The following PCDHGA1 variants were observed in gnomAD, a reference collection of about 807,000 sequenced individuals.
The protein encoded by PCDHGA1 is protocadherin gamma subfamily A, 1.
PCDHGA1 carries 32 observed loss-of-function variants against 58.0 expected under a neutral mutation model. The observed-to-expected ratio is 0.55, with a 90% CI of 0.42 to 0.74. The LOEUF (loss-of-function observed/expected upper bound fraction) is 0.74, where lower values mean the gene tolerates loss of function less well. Among genes scored for constraint, PCDHGA1 ranks in the 30% least tolerant of loss-of-function variants. The probability of loss-of-function intolerance (pLI) is 0.00; values close to 1 mark genes in which losing one functional copy is unlikely to be tolerated. For missense variants in PCDHGA1, 1,205 were observed against 1,182.3 expected, an observed-to-expected ratio of 1.02 and a Z score of -0.28; for synonymous variants, 498 against 501.1, an observed-to-expected ratio of 0.99 and a Z score of 0.08.
At chr5:141,358,058 T>C (rs1166026389) in intron 1 of PCDHGA1, among the ~76,000 whole-genome samples, 9 of 152,056 alleles carry the variant, frequency 5.9e-5, no homozygotes, top group Non-Finnish European at 1.0e-4. Flanking sequence ...GGCGTGGTGG[T>C]GTGTGCCCGT....
chr5:141,477,697 T>G lies in PCDHGA1; in HGVS notation c.2422-17110T>G, dbSNP rs745625196. ...TGTCATCCTTAGTGCCCCTAGACTA[T>G]GAGGATCGGCGGGAATTTGAATTAA... On this transcript the variant is annotated intron_variant, in intron 1 of 3. Coordinates refer to ENST00000517417, the MANE Select transcript of PCDHGA1 (RefSeq NM_018912.3). The surrounding 1 kb of genome is among the most constrained non-coding windows in gnomAD (Gnocchi z 4.9). 6.2e-7 allele frequency: 1 copy of G among 1,614,160 alleles called. No homozygotes were observed. Among genetic ancestry groups the G allele is most frequent in the South Asian group, 1.1e-5 (1 of 91,090 alleles).
intron 1 of PCDHGA1, chr5:141,423,749 TTGGGGGGGGGG>T: frequency 3.7e-6 from 1 of 272,202 alleles, no homozygotes; most frequent in Non-Finnish European, 4.7e-6. Context: ...TGAAAACTGT[TTGGGGGGGGGG>T]TGGGGCGGCA....
At chr5:141,473,439 A>G (rs2099322281) in intron 1 of PCDHGA1, among the ~76,000 whole-genome samples, 1 of 152,210 alleles carries the variant, frequency 6.6e-6, no homozygotes, top group African/African-American at 2.4e-5. Flanking sequence ...TTGCTTATGC[A>G]AAAATAATTA....
At chr5:141,434,784 A>T (rs967716221) in intron 1 of PCDHGA1, among the ~76,000 whole-genome samples, 11 of 150,278 alleles carry the variant, frequency 7.3e-5, no homozygotes, top group East Asian at 5.8e-4. Flanking sequence ...AAAAAAAAAA[A>T]TTTTTTTTTC....
chr5:141,408,295 G>A (rs1185231517), intron 1 of PCDHGA1: 8 of 1,613,700 alleles, frequency 5.0e-6, no homozygotes, highest in East Asian at 2.2e-5. Flanking sequence ...CCCTGAGTGA[G>A]CCGATCCGCT....
intron 1 of PCDHGA1, among the ~76,000 whole-genome samples, chr5:141,435,011 A>G (rs2097737147): frequency 6.6e-6 from 1 of 152,126 alleles, no homozygotes; most frequent in African/African-American, 2.4e-5. Flanking sequence ...TTTATCAATG[A>G]TAATGCTCTT....
intron 1 of PCDHGA1, chr5:141,392,939 C>T (rs1425022179): frequency 1.2e-6 from 2 of 1,613,830 alleles, no homozygotes; most frequent in Non-Finnish European, 1.7e-6. Context: ...CGGACAAAGG[C>T]TCCTTCGTGG....
At chr5:141,393,583 C>A in intron 1 of PCDHGA1, 1 of 1,613,930 alleles carries the variant, frequency 6.2e-7, no homozygotes, top group Non-Finnish European at 8.5e-7. Context: ...AACATGCCCC[C>A]AGGCACGCGG....
chr5:141,388,913 A>C, intron 1 of PCDHGA1: 1 of 1,614,040 alleles, frequency 6.2e-7, no homozygotes, highest in Non-Finnish European at 8.5e-7. Flanking sequence ...ACAACGCCCC[A>C]GAAGTGATAT....
At position 141,505,495 on chromosome 5, in the gene PCDHGA1, G is replaced by A. The variant is rs767547572; in HGVS notation, c.2569+14G>A. On this transcript the variant is annotated intron_variant, in intron 3 of 3. Transcript: ENST00000517417. ...CGTCCGCCAGTGGTAAGTGGTGTCA[G>A]TGTGTGTATGGAAGAGTGGGAGACC... The A allele has an allele frequency of 7.9e-5, 128 of 1,614,092 alleles. No homozygotes were observed. Among genetic ancestry groups the A allele is most frequent in the Non-Finnish European group, 1.0e-4 (123 of 1,180,008 alleles).
At chr5:141,415,066 C>A in intron 1 of PCDHGA1, 1 of 1,613,410 alleles carries the variant, frequency 6.2e-7, no homozygotes, top group Non-Finnish European at 8.5e-7. Flanking sequence ...GGGCGAGGTG[C>A]GCACGGCGCG....
chr5:141,459,613 C>A (rs1040874685), intron 1 of PCDHGA1, among the ~76,000 whole-genome samples: 1 of 152,188 alleles, frequency 6.6e-6, no homozygotes, highest in African/African-American at 2.4e-5. Context: ...ATATGCTTAA[C>A]TTTATAAGAA....
Position 141,356,228 on chromosome 5 carries a change from A to G in PCDHGA1, c.2421+23123A>G, listed in dbSNP as rs767896442. ...GTGACAGTTCTGGATGAAAATGACA[A>G]CGCACCAGAAGTCACAGTTACATCT... On this transcript the variant is annotated intron_variant, in intron 1 of 3. Coordinates refer to ENST00000517417, the MANE Select transcript of PCDHGA1 (RefSeq NM_018912.3). 11 of 1,593,694 alleles carry G rather than the reference A, an allele frequency of 6.9e-6. No homozygotes were observed. The highest frequency in any genetic ancestry group is 1.8e-5 in the Admixed American group (1 of 56,356).
At chr5:141,355,369 C>G in intron 1 of PCDHGA1, 1 of 1,614,040 alleles carries the variant, frequency 6.2e-7, no homozygotes, top group African/African-American at 1.3e-5. Context: ...GTTGGCGCCC[C>G]GGGAGCTGGC....
chr5:141,340,502 A>G, intron 1 of PCDHGA1: 2 of 1,614,166 alleles, frequency 1.2e-6, no homozygotes, highest in Non-Finnish European at 1.7e-6. Flanking sequence ...CAACTCCGAC[A>G]CTGGAGTACT....
intron 1 of PCDHGA1, among the ~76,000 whole-genome samples, chr5:141,468,089 T>C (rs1349447353): frequency 6.6e-6 from 1 of 151,010 alleles, no homozygotes; most frequent in Non-Finnish European, 1.5e-5. Context: ...CTTTGGGAGG[T>C]TGAGGCAGGC....
chr5:141,351,742 G>T (rs772414660), intron 1 of PCDHGA1: 1 of 1,613,676 alleles, frequency 6.2e-7, no homozygotes, highest in Admixed American at 1.7e-5. Flanking sequence ...ACCTGGAGCC[G>T]CGGGAGCTGT....
In PCDHGA1 at chr5:141,432,293, G is replaced by C. The variant is rs765631138; in HGVS notation, c.2422-62514G>C. Reference sequence around the variant, plus strand: ...CTACGTGTCCATCAACTCCGACACTGGGGTACTGTATGCGCTGAGCTCCTT... The same window carrying C: ...CTACGTGTCCATCAACTCCGACACTCGGGTACTGTATGCGCTGAGCTCCTT... On this transcript the variant is annotated intron_variant, in intron 1 of 3. Coordinates refer to ENST00000517417, the MANE Select transcript of PCDHGA1 (RefSeq NM_018912.3). This position sits in a 1 kb window ranked among gnomAD's most constrained non-coding sequence, Gnocchi z 6.0. 6.2e-7 allele frequency: 1 copy of C among 1,614,254 alleles called. No individual in the cohort carries two copies.
At chr5:141,390,177 C>A in intron 1 of PCDHGA1, 1 of 1,613,986 alleles carries the variant, frequency 6.2e-7, no homozygotes, top group Non-Finnish European at 8.5e-7. Context: ...GTTTAATTTC[C>A]TAAAATGTAG....
Sources: allele counts gnomAD v4.1 joint callset (sites outside exome capture counted in the v4.1 genomes callset), GRCh38; gene constraint gnomAD v4.1.1; non-coding constraint Gnocchi (gnomAD v3.1); transcripts MANE v1.5; gene names NCBI Gene and HGNC (gene_info 2026-07-23, HGNC 2026-07-21).